SYNPO2: variants seen among roughly 807,000 people sequenced by gnomAD.
The protein encoded by SYNPO2 is synaptopodin 2.
A neutral mutation model predicts 85.0 loss-of-function variants in SYNPO2; 56 were observed. That is an observed-to-expected ratio of 0.66 (90% confidence interval 0.53 to 0.82). The LOEUF (loss-of-function observed/expected upper bound fraction) is 0.82. Among genes scored for constraint, SYNPO2 ranks in the 40% least tolerant of loss-of-function variants. The probability of loss-of-function intolerance (pLI) is 0.00; values close to 1 mark genes in which losing one functional copy is unlikely to be tolerated. For synonymous variants in SYNPO2, 602 were observed against 591.1 expected (o/e 1.02, Z -0.27); for missense variants, 1,575 against 1,534.2 (o/e 1.03, Z -0.44).
chr4:118,979,459 A>T (rs536025706), intron 1 of SYNPO2, among the ~76,000 whole-genome samples: 3 of 152,174 alleles, frequency 2.0e-5, no homozygotes, highest in Non-Finnish European at 4.4e-5. Context: ...ATATACTACC[A>T]TCTTGTTTAT....
rs866225777 is a variant in SYNPO2 at position 119,040,931 on chromosome 4, G to A, written c.3252+8904G>A. Among the ~76,000 whole-genome samples the A allele has an allele frequency of 5.3e-5, 8 of 152,328 alleles. No homozygotes were observed. The South Asian group carries it at 8.3e-4, about 16-fold the overall frequency. On this transcript the variant is annotated intron_variant, in intron 4 of 4. Transcript: ENST00000307142. Reference sequence around the variant, plus strand: ...AGTAATTGATCCCCTTGCCTGAGAGGCATGATCACTTTCCAAAAACAGAAA... The same window carrying A: ...AGTAATTGATCCCCTTGCCTGAGAGACATGATCACTTTCCAAAAACAGAAA...
chr4:119,034,153 C>T (rs1424497583), intron 4 of SYNPO2: 29 of 985,328 alleles, frequency 2.9e-5, no homozygotes, highest in Admixed American at 6.1e-5. Context: ...TGAATGCTTG[C>T]ATTTTGAATT....
chr4:118,894,819 A>T (rs886272127), intron 1 of SYNPO2, among the ~76,000 whole-genome samples: 1 of 151,812 alleles, frequency 6.6e-6, no homozygotes, highest in Non-Finnish European at 1.5e-5. Flanking sequence ...CCAGGTTACT[A>T]AAGTCTGATT....
chr4:119,019,806 T>C (rs1161496547), intron 1 of SYNPO2, among the ~76,000 whole-genome samples: 5 of 152,186 alleles, frequency 3.3e-5, no homozygotes, highest in Non-Finnish European at 5.9e-5. Context: ...TCTTGTTCCC[T>C]CAGAGTTGGT....
At chr4:119,047,950 G>A (rs886426913) in intron 4 of SYNPO2, among the ~76,000 whole-genome samples, 7 of 152,078 alleles carry the variant, frequency 4.6e-5, no homozygotes, top group Non-Finnish European at 7.4e-5. Flanking sequence ...CTCTTTTATC[G>A]TTTTCTTCTT....
chr4:118,904,342 C>CCAT (rs1312436458), intron 1 of SYNPO2, among the ~76,000 whole-genome samples: 1 of 152,024 alleles, frequency 6.6e-6, no homozygotes, highest in African/African-American at 2.4e-5. Flanking sequence ...TTTTTGAGAC[C>CCAT]CGGATGTCAT....
chr4:118,977,577 G>A (rs1354576571), intron 1 of SYNPO2, among the ~76,000 whole-genome samples: 1 of 152,232 alleles, frequency 6.6e-6, no homozygotes, highest in Non-Finnish European at 1.5e-5. Context: ...GCAAGCGAGG[G>A]CTCTGAGGAC....
chr4:118,936,986 T>C (rs1560885515), intron 1 of SYNPO2, among the ~76,000 whole-genome samples: 1 of 152,182 alleles, frequency 6.6e-6, no homozygotes, highest in Non-Finnish European at 1.5e-5. Context: ...CTCCCAATTT[T>C]ACTGCCACCA....
intron 1 of SYNPO2, among the ~76,000 whole-genome samples, chr4:118,998,019 G>C (rs1051309564): frequency 6.6e-6 from 1 of 152,188 alleles, no homozygotes; most frequent in African/African-American, 2.4e-5. Flanking sequence ...GAAAGGAGAG[G>C]GGCGCTTCCT....
chr4:118,981,391 A>C (rs1736002052), intron 1 of SYNPO2, among the ~76,000 whole-genome samples: 1 of 152,178 alleles, frequency 6.6e-6, no homozygotes, highest in South Asian at 2.1e-4. Context: ...GTGGTGGCCA[A>C]TTAGAGCAGA....
rs986867509 is a variant in SYNPO2, at chr4:119,060,085, C to T, written c.*2151C>T. 2.6e-5 allele frequency: 4 copies of T among 152,102 alleles called. No individual in the cohort carries two copies. Among genetic ancestry groups the T allele is most frequent in the African/African-American group, 7.2e-5 (3 of 41,430 alleles). The allele number at this position is 152,102 out of a possible 1,614,324, so 9.4% of individuals were successfully genotyped here. On this transcript the variant is annotated 3_prime_UTR_variant, in exon 5 of 5. Coordinates refer to ENST00000307142, the MANE Select transcript of SYNPO2 (RefSeq NM_133477.3). ...GAAAATACTTGGCTTGCCAGGGCCA[C>T]GTTCTACTTCATTGCTTTCTTTTAT...
At chr4:118,940,063 G>T (rs950644174) in intron 1 of SYNPO2, among the ~76,000 whole-genome samples, 22 of 146,344 alleles carry the variant, frequency 1.5e-4, no homozygotes, top group African/African-American at 5.6e-4. Flanking sequence ...TTGGCTCACT[G>T]CAACCTCCGC....
At chr4:118,961,664 G>A (rs1197852922) in intron 1 of SYNPO2, among the ~76,000 whole-genome samples, 5 of 151,892 alleles carry the variant, frequency 3.3e-5, no homozygotes, top group Admixed American at 6.6e-5. Flanking sequence ...CTCTAAATTC[G>A]TAAAGCTCTC....
At chr4:118,993,043 C>T (rs1446442929) in intron 1 of SYNPO2, among the ~76,000 whole-genome samples, 1 of 152,090 alleles carries the variant, frequency 6.6e-6, no homozygotes, top group Non-Finnish European at 1.5e-5. Context: ...CAAGCAGAGT[C>T]GATCTGCAAG....
chr4:118,977,900 C>T (rs898725480), intron 1 of SYNPO2, among the ~76,000 whole-genome samples: 24 of 152,194 alleles, frequency 1.6e-4, no homozygotes, highest in African/African-American at 5.8e-4. Flanking sequence ...ACATAACTTC[C>T]ACTCAGGAGT....
intron 1 of SYNPO2, among the ~76,000 whole-genome samples, chr4:118,948,087 T>C (rs55942814): frequency 6.6e-6 from 1 of 152,326 alleles, no homozygotes; most frequent in African/African-American, 2.4e-5. Context: ...TTTTTCCCTC[T>C]CTAGAATTTT....
chr4:118,937,993 T>A (rs1216277705), intron 1 of SYNPO2, among the ~76,000 whole-genome samples: 4 of 152,232 alleles, frequency 2.6e-5, no homozygotes, highest in Non-Finnish European at 5.9e-5. Context: ...GTTGTTGTAC[T>A]GTATTTTATT....
chr4:118,999,863 G>A (rs72671662), intron 1 of SYNPO2, among the ~76,000 whole-genome samples: 1 of 152,208 alleles, frequency 6.6e-6, no homozygotes, highest in Non-Finnish European at 1.5e-5. Flanking sequence ...ACTATTGCCT[G>A]GTACTTTTTA....
intron 1 of SYNPO2, among the ~76,000 whole-genome samples, chr4:118,975,276 T>C (rs1467667393): frequency 6.6e-6 from 1 of 152,206 alleles, no homozygotes; most frequent in African/African-American, 2.4e-5. Context: ...CCAAAATCTA[T>C]GTAGTACTAC....
Sources: gnomAD v4.1 joint callset for allele counts (sites outside exome capture counted in the v4.1 genomes callset) on GRCh38, gnomAD v4.1.1 for gene constraint, MANE v1.5 for transcripts, NCBI Gene and HGNC (gene_info 2026-07-23, HGNC 2026-07-21) for gene names.